Variants in LRCH1 observed in about 807,000 individuals in gnomAD.
The protein encoded by LRCH1 is leucine-rich repeat and calponin homology domain-containing protein 1.
Under a neutral mutation model 94.9 loss-of-function variants are expected in LRCH1, and 23 were observed. The observed-to-expected ratio is 0.24, with a 90% confidence interval of 0.17 to 0.34. LRCH1 has a LOEUF of 0.34. Among genes scored for constraint, LRCH1 ranks in the 10% least tolerant of loss-of-function variants. The pLI is 1.00. For missense variants in LRCH1, 790 were observed against 945.9 expected (o/e 0.84, Z 2.16); for synonymous variants, 364 against 354.9 (o/e 1.03, Z -0.29).
chr13:46,692,220 A>G lies in LRCH1; in HGVS notation c.1015-316A>G, dbSNP rs530640516. The stretch of plus-strand genomic sequence containing the variant: ...GAGAGAAGAAAACACAGAGAAGCCC[A>G]TAAGTGTTAGCTCCATGAATTTTCA... On this transcript the variant is annotated intron_variant, in intron 7 of 19. Coordinates refer to ENST00000389797, the MANE Select transcript of LRCH1 (RefSeq NM_001164211.2). Among the ~76,000 whole-genome samples the G allele has an allele frequency of 2.0e-5, 3 of 152,356 alleles. No individual in the cohort carries two copies. The South Asian group carries it at 6.2e-4, about 32-fold the overall frequency.
chr13:46,698,405 C>T (rs767680804), intron 9 of LRCH1, among the ~76,000 whole-genome samples: 2 of 152,192 alleles, frequency 1.3e-5, no homozygotes, highest in Non-Finnish European at 2.9e-5. Flanking sequence ...CATGGTGGTA[C>T]ATGACTTTCC....
intron 1 of LRCH1, among the ~76,000 whole-genome samples, chr13:46,569,435 A>C (rs1395298438): frequency 6.6e-6 from 1 of 152,220 alleles, no homozygotes; most frequent in Admixed American, 6.5e-5. Context: ...TTTGAGCCCC[A>C]GGGATCTAAG....
intron 2 of LRCH1, among the ~76,000 whole-genome samples, chr13:46,660,703 T>C (rs1275718299): frequency 6.6e-6 from 1 of 152,224 alleles, no homozygotes; most frequent in Non-Finnish European, 1.5e-5. Flanking sequence ...TATCTGGATA[T>C]TCTTTCTCTT....
At chr13:46,682,355 G>T (rs1467213026) in intron 4 of LRCH1, among the ~76,000 whole-genome samples, 1 of 152,040 alleles carries the variant, frequency 6.6e-6, no homozygotes, top group Non-Finnish European at 1.5e-5. Context: ...GATTAGAGCT[G>T]CCCTCATGAC....
chr13:46,555,319 A>G (rs969395837), intron 1 of LRCH1, among the ~76,000 whole-genome samples: 1 of 152,244 alleles, frequency 6.6e-6, no homozygotes, highest in African/African-American at 2.4e-5. Context: ...GGTTGGCTAT[A>G]TCTGCAGAAA....
intron 1 of LRCH1, among the ~76,000 whole-genome samples, chr13:46,646,351 C>T (rs760739830): frequency 2.0e-5 from 3 of 152,102 alleles, no homozygotes; most frequent in South Asian, 2.1e-4. Context: ...ATAAGCAATG[C>T]GTTGATATCT....
intron 5 of LRCH1, among the ~76,000 whole-genome samples, 161 bp downstream of exon 5, chr13:46,686,202 C>T (rs842379): frequency 0.27 from 40,811 of 152,124 alleles, 5,544 homozygotes; most frequent in South Asian, 0.31. Context: ...TTAACATGTA[C>T]GTGGAAGCCT....
chr13:46,664,447 A>ACAGTT (rs1485439325), intron 2 of LRCH1, among the ~76,000 whole-genome samples: 1 of 152,200 alleles, frequency 6.6e-6, no homozygotes, highest in Non-Finnish European at 1.5e-5. Context: ...TCATTGTGTC[A>ACAGTT]CAGTTGCCTA....
intron 19 of LRCH1, among the ~76,000 whole-genome samples, chr13:46,734,324 T>C (rs908149163): frequency 6.6e-6 from 1 of 152,234 alleles, no homozygotes; most frequent in Admixed American, 6.5e-5. Flanking sequence ...GAATCTTCTC[T>C]TAGGCTTCAT....
At chr13:46,560,514 G>C (rs2050118821) in intron 1 of LRCH1, among the ~76,000 whole-genome samples, 2 of 152,136 alleles carry the variant, frequency 1.3e-5, no homozygotes, top group African/African-American at 4.8e-5. Flanking sequence ...TAATTGCAGT[G>C]ATTATTTCAA....
chr13:46,744,274 C>T lies in LRCH1; in HGVS notation c.*2426C>T. Reference sequence around the variant, plus strand: ...GAGTGGTTTATTGTGCTGACCAAATCTCCTCCTCACAAGAAAGACCGTTTT... The same window carrying T: ...GAGTGGTTTATTGTGCTGACCAAATTTCCTCCTCACAAGAAAGACCGTTTT... On this transcript the variant is annotated 3_prime_UTR_variant, in exon 20 of 20. Coordinates refer to ENST00000389797, the MANE Select transcript of LRCH1 (RefSeq NM_001164211.2). 1 of 983,118 alleles carries T rather than the reference C, an allele frequency of 1.0e-6. No individual in the cohort carries two copies. Among genetic ancestry groups the T allele is most frequent in the South Asian group, 4.7e-5 (1 of 21,270 alleles). The allele number at this position is 983,118 out of a possible 1,614,324, so 60.9% of individuals were successfully genotyped here.
intron 10 of LRCH1, 93 bp downstream of exon 10, chr13:46,699,496 T>C: frequency 9.2e-7 from 1 of 1,087,974 alleles, no homozygotes; most frequent in Non-Finnish European, 1.4e-6. Flanking sequence ...TTTGACCTGC[T>C]TTTCTGTGGG....
downstream of LRCH1, among the ~76,000 whole-genome samples, chr13:46,746,088 G>C (rs1483457990): frequency 1.3e-5 from 2 of 152,226 alleles, no homozygotes; most frequent in Non-Finnish European, 2.9e-5. Flanking sequence ...TTTATGGGAG[G>C]AGGCATAGTA....
At chr13:46,688,015 A>G (rs566721442) in intron 6 of LRCH1, 36 bp downstream of exon 6, 1 of 1,586,058 alleles carries the variant, frequency 6.3e-7, no homozygotes, top group Admixed American at 1.8e-5. Flanking sequence ...CCAGTTTAAA[A>G]TTTGCCTAGG....
intron 6 of LRCH1, 98 bp from the exon 7 acceptor site, chr13:46,689,035 C>A: frequency 1.0e-6 from 1 of 998,300 alleles, no homozygotes; most frequent in Non-Finnish European, 1.5e-6. Context: ...ATTTGCGTAG[C>A]AAAATTATTA....
At chr13:46,615,671 A>G (rs2050799403) in intron 1 of LRCH1, among the ~76,000 whole-genome samples, 1 of 152,150 alleles carries the variant, frequency 6.6e-6, no homozygotes, top group South Asian at 2.1e-4. Flanking sequence ...ATTGTTTCCC[A>G]AGACTAAAAA....
At chr13:46,602,978 G>GCATGCATACATA (rs142972823) in intron 1 of LRCH1, among the ~76,000 whole-genome samples, 66,298 of 149,654 alleles carry the variant, frequency 0.44, 15,728 homozygotes, top group South Asian at 0.54. Context: ...ATACATGCAT[G>GCATGCATACATA]CATACATACA....
At chr13:46,665,505 A>G (rs1176319675) in intron 2 of LRCH1, among the ~76,000 whole-genome samples, 1 of 152,228 alleles carries the variant, frequency 6.6e-6, no homozygotes, top group East Asian at 1.9e-4. Flanking sequence ...GATGAAATAG[A>G]CAAATGAATC....
At chr13:46,697,232 A>G (rs569834302) in intron 9 of LRCH1, among the ~76,000 whole-genome samples, 2 of 152,334 alleles carry the variant, frequency 1.3e-5, no homozygotes, top group South Asian at 4.1e-4. Flanking sequence ...CACTGGGGAA[A>G]TAGAGGGCTG....
Sources: gnomAD v4.1 joint callset for allele counts (sites outside exome capture counted in the v4.1 genomes callset) on GRCh38, gnomAD v4.1.1 for gene constraint, MANE v1.5 for transcripts, NCBI Gene and HGNC (gene_info 2026-07-23, HGNC 2026-07-21) for gene names.